Variants in TTC3 observed in about 807,000 individuals in gnomAD.
TTC3 encodes the protein E3 ubiquitin-protein ligase TTC3.
In TTC3, 180 loss-of-function variants were observed where a neutral mutation model predicts 249.6. The observed-to-expected ratio is 0.72, with a 90% CI of 0.64 to 0.82. TTC3 has a LOEUF of 0.82. TTC3 is among the 40% of genes least tolerant of loss of function. The probability of loss-of-function intolerance (pLI) is 0.00; values close to 1 mark genes in which losing one functional copy is unlikely to be tolerated. For missense variants in TTC3, 2,061 were observed against 2,398.4 expected, an observed-to-expected ratio of 0.86 and a Z score of 2.94; for synonymous variants, 717 against 805.0, an observed-to-expected ratio of 0.89 and a Z score of 1.85.
chr21:37,199,038 T>C (rs1291910083), intron 44 of TTC3, among the ~76,000 whole-genome samples: 1 of 152,212 alleles, frequency 6.6e-6, no homozygotes, highest in Non-Finnish European at 1.5e-5. Flanking sequence ...CTTCCTCTTC[T>C]TCCCTGACCC....
intron 2 of TTC3, 46 bp from the exon 3 acceptor site, chr21:37,087,787 A>G (rs771108399): frequency 6.9e-7 from 1 of 1,439,742 alleles, no homozygotes; most frequent in Non-Finnish European, 9.6e-7. Flanking sequence ...TTAAAAATCA[A>G]GAACATTTTA....
chr21:37,192,451 A>G (rs185370563), intron 41 of TTC3, among the ~76,000 whole-genome samples: 1 of 148,636 alleles, frequency 6.7e-6, no homozygotes, highest in African/African-American at 2.5e-5. Flanking sequence ...CCATTGCTAC[A>G]TTTCTATCAC....
intron 21 of TTC3, 34 bp from the exon 22 acceptor site, chr21:37,147,447 T>A: frequency 6.4e-7 from 1 of 1,571,642 alleles, no homozygotes; most frequent in Non-Finnish European, 8.6e-7. Context: ...AGATTAGTAT[T>A]GTAATGGTAT....
intron 10 of TTC3, among the ~76,000 whole-genome samples, chr21:37,104,355 C>T (rs1161135474): frequency 1.5e-4 from 23 of 152,012 alleles, no homozygotes; most frequent in African/African-American, 4.8e-4. Flanking sequence ...TTTGGGAGGC[C>T]GAGGTGGGAG....
At chr21:37,124,826 C>G (rs1290966893) in intron 14 of TTC3, 84 bp downstream of exon 14, 4 of 1,481,162 alleles carry the variant, frequency 2.7e-6, no homozygotes, top group Non-Finnish European at 3.6e-6. Flanking sequence ...TAATAGAAAC[C>G]AAATTTTTGG....
intron 41 of TTC3, chr21:37,193,703 C>A (rs1243268218): frequency 6.6e-6 from 1 of 152,180 alleles, no homozygotes; most frequent in Non-Finnish European, 1.5e-5. Context: ...CTCATTTCTC[C>A]CTCATTCATT....
At chr21:37,103,071 A>G (rs2074672682) in intron 10 of TTC3, among the ~76,000 whole-genome samples, 1 of 152,340 alleles carries the variant, frequency 6.6e-6, no homozygotes, top group Admixed American at 6.5e-5. Flanking sequence ...CTCCCTCACC[A>G]TTAGATAAAT....
intron 18 of TTC3, among the ~76,000 whole-genome samples, chr21:37,135,916 CTG>C (rs1452826341): frequency 1.3e-5 from 2 of 152,204 alleles, no homozygotes; most frequent in Non-Finnish European, 2.9e-5. Context: ...TCAAGCAAGT[CTG>C]TTTTCTGAAA....
At chr21:37,114,886 C>T (rs1444234105) in intron 11 of TTC3, among the ~76,000 whole-genome samples, 2 of 152,022 alleles carry the variant, frequency 1.3e-5, no homozygotes, top group Admixed American at 6.5e-5. Flanking sequence ...TTTGTAGGGA[C>T]ATGGATGAAG....
At chr21:37,151,970 A>C in exon 26 of TTC3, 1 of 1,607,362 alleles carries the variant, frequency 6.2e-7, no homozygotes, top group Non-Finnish European at 8.5e-7. Context: ...AAGTTAGCAC[A>C]AGAAAGAATG....
chr21:37,088,379 A>G, intron 4 of TTC3, 33 bp downstream of exon 4: 2 of 1,581,904 alleles, frequency 1.3e-6, no homozygotes, highest in Non-Finnish European at 1.7e-6. Flanking sequence ...TTTTGTGTGG[A>G]CAGTGATAAA....
intron 6 of TTC3, 77 bp from the exon 7 acceptor site, chr21:37,091,216 A>G: frequency 2.7e-6 from 4 of 1,468,970 alleles, no homozygotes; most frequent in Non-Finnish European, 3.7e-6. Flanking sequence ...ATACTTGCAT[A>G]AGATGAATTT....
chr21:37,144,750 C>A (rs2078836373), intron 21 of TTC3, 105 bp downstream of exon 21: 1 of 1,375,016 alleles, frequency 7.3e-7, no homozygotes, highest in African/African-American at 1.5e-5. Flanking sequence ...ATCCCCACCT[C>A]CCTTACACGC....
At chr21:37,172,818 C>T (rs1031866408) in intron 35 of TTC3, 74 bp downstream of exon 35, 40 of 1,535,694 alleles carry the variant, frequency 2.6e-5, no homozygotes, top group South Asian at 6.3e-5. Flanking sequence ...TGTGCTTGTG[C>T]GGCCTCAGCT....
At chr21:37,200,123 T>G in intron 44 of TTC3, 109 bp from the exon 45 acceptor site, 2 of 873,106 alleles carry the variant, frequency 2.3e-6, no homozygotes. Flanking sequence ...TGTGAATAAT[T>G]TGCCACCCTT....
At chr21:37,131,889 T>C (rs2077500831) in intron 16 of TTC3, among the ~76,000 whole-genome samples, 1 of 152,216 alleles carries the variant, frequency 6.6e-6, no homozygotes, top group African/African-American at 2.4e-5. Flanking sequence ...CAGATTTTCT[T>C]ACTCTCACCA....
intron 32 of TTC3, 129 bp from the exon 33 acceptor site, chr21:37,165,421 G>T: frequency 1.5e-6 from 1 of 682,634 alleles, no homozygotes; most frequent in Non-Finnish European, 2.4e-6. Flanking sequence ...TATATTTGTT[G>T]TTGAGGAAAG....
chr21:37,192,895 T>G lies in TTC3; in HGVS notation c.5217+682T>G, dbSNP rs141784304. On this transcript the variant is annotated intron_variant, in intron 41 of 45. Transcript: ENST00000355666. The stretch of plus-strand genomic sequence containing the variant: ...CTTTACAACATGGCTAAACCCATAT[T>G]TCTTAGATTTGGACATAGATAGATG... Among the ~76,000 whole-genome samples the G allele has an allele frequency of 1.5e-3, 223 of 152,352 alleles. 2 individuals carry two copies. The highest frequency in any genetic ancestry group is 4.9e-3 in the African/African-American group (204 of 41,584).
At position 37,191,425 on chromosome 21, in the gene TTC3, G is replaced by C; in HGVS notation, c.5115+1G>C. The stretch of plus-strand genomic sequence containing the variant: ...TACAAAAGAAATTGAGAAAGCAAAG[G>C]TAAGTTGTAAACATCTTTTAATCCC... On this transcript the variant is annotated splice_donor_variant, in intron 40 of 45. Transcript: ENST00000355666. LOFTEE classifies it high-confidence loss of function. 6.4e-7 allele frequency: 1 copy of C among 1,555,124 alleles called. No individual in the cohort carries two copies. The highest frequency in any genetic ancestry group is 8.7e-7 in the Non-Finnish European group (1 of 1,150,340).
Sources: gnomAD v4.1 joint callset for allele counts (sites outside exome capture counted in the v4.1 genomes callset) on GRCh38, gnomAD v4.1.1 for gene constraint, MANE v1.5 for transcripts, NCBI Gene and HGNC (gene_info 2026-07-23, HGNC 2026-07-21) for gene names.